Variants in ANKH observed in about 807,000 individuals in gnomAD.
ANKH encodes mineralization regulator ANKH.
In ANKH, 15 loss-of-function variants were observed where a neutral mutation model predicts 49.0. The observed-to-expected ratio is 0.31, with a 90% confidence interval of 0.20 to 0.47. ANKH has a LOEUF of 0.47. Ranked by LOEUF, ANKH falls within the 20% of genes least tolerant of loss-of-function variation. The probability of loss-of-function intolerance (pLI) is 1.00; values close to 1 mark genes in which losing one functional copy is unlikely to be tolerated. For synonymous variants in ANKH, 273 were observed against 260.0 expected, an observed-to-expected ratio of 1.05 and a Z score of -0.48; for missense variants, 429 against 652.0, an observed-to-expected ratio of 0.66 and a Z score of 3.72.
intron 8 of ANKH, among the ~76,000 whole-genome samples, chr5:14,720,560 T>C (rs545320568): frequency 2.0e-5 from 3 of 152,232 alleles, no homozygotes; most frequent in Non-Finnish European, 4.4e-5. Flanking sequence ...AGCTTTGCTT[T>C]ATATTGGGCC....
chr5:14,800,501 C>A (rs1368931579), intron 1 of ANKH, among the ~76,000 whole-genome samples: 1 of 152,146 alleles, frequency 6.6e-6, no homozygotes, highest in Non-Finnish European at 1.5e-5. Context: ...ATTGCTACAA[C>A]CTGCCCAACC....
intron 1 of ANKH, among the ~76,000 whole-genome samples, chr5:14,778,990 G>A (rs1739723064): frequency 6.6e-6 from 1 of 152,150 alleles, no homozygotes; most frequent in African/African-American, 2.4e-5. Flanking sequence ...AAGACTTTGA[G>A]ATGCATTCCT....
chr5:14,744,760 C>T (rs1424638490), intron 7 of ANKH, among the ~76,000 whole-genome samples: 1 of 152,204 alleles, frequency 6.6e-6, no homozygotes, highest in African/African-American at 2.4e-5. Flanking sequence ...TCCCCAGGTC[C>T]CTGCTCCGCA....
intron 1 of ANKH, among the ~76,000 whole-genome samples, chr5:14,773,605 T>G (rs1333186563): frequency 6.6e-6 from 1 of 152,084 alleles, no homozygotes; most frequent in Non-Finnish European, 1.5e-5. Context: ...CAGACTTGAG[T>G]TGGAATCTGC....
chr5:14,720,098 G>C (rs554937397), intron 8 of ANKH, among the ~76,000 whole-genome samples: 1 of 151,844 alleles, frequency 6.6e-6, no homozygotes, highest in Non-Finnish European at 1.5e-5. Flanking sequence ...ACTATGTCAT[G>C]TTGAAATATT....
chr5:14,730,794 C>T (rs1737973868), intron 8 of ANKH, among the ~76,000 whole-genome samples: 1 of 152,242 alleles, frequency 6.6e-6, no homozygotes, highest in Admixed American at 6.5e-5. Context: ...CCTGTGCCTC[C>T]ACCTCTATCT....
chr5:14,774,399 G>A (rs1398251623), intron 1 of ANKH, among the ~76,000 whole-genome samples: 1 of 152,068 alleles, frequency 6.6e-6, no homozygotes, highest in African/African-American at 2.4e-5. Context: ...TAAACCATCT[G>A]TTGCCCATTT....
At chr5:14,729,349 C>T (rs1006514158) in intron 8 of ANKH, among the ~76,000 whole-genome samples, 1 of 150,638 alleles carries the variant, frequency 6.6e-6, no homozygotes, top group African/African-American at 2.4e-5. Flanking sequence ...CACCACGCCC[C>T]ACTACTTTTT....
intron 1 of ANKH, chr5:14,871,127 CT>C (rs1482960470): frequency 3.1e-6 from 2 of 647,968 alleles, no homozygotes; most frequent in Non-Finnish European, 5.7e-6. Flanking sequence ...ACCATCCAGT[CT>C]TTTTAACATT....
intron 1 of ANKH, among the ~76,000 whole-genome samples, chr5:14,822,067 A>G (rs927739337): frequency 1.3e-5 from 2 of 152,160 alleles, no homozygotes; most frequent in African/African-American, 2.4e-5. Context: ...TCTTTCTCCT[A>G]TCTGAAGCTG....
At chr5:14,786,852 A>G (rs1231969580) in intron 1 of ANKH, among the ~76,000 whole-genome samples, 18 of 152,218 alleles carry the variant, frequency 1.2e-4, no homozygotes, top group Admixed American at 9.8e-4. Flanking sequence ...GTACATAATG[A>G]CATGTACAAA....
intron 1 of ANKH, among the ~76,000 whole-genome samples, chr5:14,805,397 CGTGT>C (rs77663812): frequency 0.51 from 67,423 of 132,886 alleles, 17,495 homozygotes; most frequent in East Asian, 0.82. Context: ...TGTATATATA[CGTGT>C]GTGTGTGTGT....
At chr5:14,757,201 G>A (rs569213552) in intron 3 of ANKH, among the ~76,000 whole-genome samples, 1 of 152,132 alleles carries the variant, frequency 6.6e-6, no homozygotes, top group Admixed American at 6.5e-5. Flanking sequence ...ACCTCCTTCA[G>A]TTCTCTAACT....
chr5:14,819,352 C>T (rs1194682808), intron 1 of ANKH, among the ~76,000 whole-genome samples: 2 of 152,234 alleles, frequency 1.3e-5, no homozygotes, highest in Admixed American at 1.3e-4. Context: ...GACTATATTG[C>T]TGTAATGCAG....
At chr5:14,776,707 T>G (rs563437896) in intron 1 of ANKH, among the ~76,000 whole-genome samples, 1 of 152,306 alleles carries the variant, frequency 6.6e-6, no homozygotes, top group Non-Finnish European at 1.5e-5. Context: ...AAAGAAAGTG[T>G]CTAGGATGTC....
chr5:14,825,230 C>T (rs545460476), intron 1 of ANKH, among the ~76,000 whole-genome samples: 1 of 152,202 alleles, frequency 6.6e-6, no homozygotes, highest in African/African-American at 2.4e-5. Flanking sequence ...CTTTAAGGTA[C>T]GCTGGTACAC....
intron 1 of ANKH, among the ~76,000 whole-genome samples, chr5:14,779,390 T>C (rs1722169452): frequency 1.3e-5 from 2 of 152,296 alleles, no homozygotes; most frequent in South Asian, 4.1e-4. Flanking sequence ...CCACCCTCTT[T>C]CTTGTCTTCC....
At chr5:14,768,013 G>A (rs986466584) in intron 2 of ANKH, 5 of 152,184 alleles carry the variant, frequency 3.3e-5, no homozygotes, top group African/African-American at 1.2e-4. Context: ...TCCATCAGCA[G>A]ATGCGCTCTC....
chr5:14,788,640 T>A (rs31933), intron 1 of ANKH, among the ~76,000 whole-genome samples: 116,445 of 152,112 alleles, frequency 0.77, 44,667 homozygotes, highest in South Asian at 0.86. Flanking sequence ...GTATGACAAG[T>A]AGGAGGATGA....
Sources: gnomAD v4.1 joint callset for allele counts (sites outside exome capture counted in the v4.1 genomes callset) on GRCh38, gnomAD v4.1.1 for gene constraint, MANE v1.5 for transcripts, NCBI Gene and HGNC (gene_info 2026-07-23, HGNC 2026-07-21) for gene names.